Variants in COL15A1 observed in about 807,000 individuals in gnomAD.
COL15A1 encodes the protein collagen alpha-1(XV) chain.
Under a neutral mutation model 165.9 loss-of-function variants are expected in COL15A1, and 111 were observed. The observed-to-expected ratio is 0.67, with a 90% CI of 0.57 to 0.78. COL15A1 has a LOEUF of 0.78. Ranked by LOEUF, COL15A1 falls within the 30% of genes least tolerant of loss-of-function variation. The pLI, the probability that COL15A1 is intolerant of heterozygous loss-of-function variation, is 0.00. For missense variants in COL15A1, 1,745 were observed against 1,789.7 expected, an observed-to-expected ratio of 0.98 and a Z score of 0.45; for synonymous variants, 659 against 674.8, an observed-to-expected ratio of 0.98 and a Z score of 0.36.
At position 98,976,869 on chromosome 9, in the gene COL15A1, A is replaced by G. The variant is rs1183603405; in HGVS notation, c.101-8696A>G. On this transcript the variant is annotated intron_variant, in intron 2 of 41. Coordinates refer to ENST00000375001, the MANE Select transcript of COL15A1 (RefSeq NM_001855.5). Reference sequence around the variant, plus strand: ...GTGCAGGAGCGGGAATGCCCAGACTACCTGGTGGGGGAATCCAAGAAGACT... The same window carrying G: ...GTGCAGGAGCGGGAATGCCCAGACTGCCTGGTGGGGGAATCCAAGAAGACT... Among the ~76,000 whole-genome samples the G allele has an allele frequency of 5.3e-5, 8 of 152,248 alleles. No individual in the cohort carries two copies. The East Asian group carries it at 1.2e-3, about 22-fold the overall frequency.
intron 16 of COL15A1, among the ~76,000 whole-genome samples, chr9:99,029,250 T>G (rs1839176972): frequency 6.6e-6 from 1 of 152,266 alleles, no homozygotes; most frequent in Admixed American, 6.5e-5. Context: ...AGTTTGTGCT[T>G]GGAAATTTTC....
intron 2 of COL15A1, among the ~76,000 whole-genome samples, chr9:98,981,822 T>C (rs1345037168): frequency 6.6e-6 from 1 of 152,152 alleles, no homozygotes; most frequent in East Asian, 1.9e-4. Flanking sequence ...TTATTTTTTT[T>C]AGAGACAGGT....
intron 11 of COL15A1, among the ~76,000 whole-genome samples, chr9:99,018,872 C>T (rs1029552431): frequency 5.9e-5 from 9 of 152,122 alleles, no homozygotes; most frequent in African/African-American, 2.2e-4. Context: ...AGTGGTGGAA[C>T]TGTGGAAGGT....
At chr9:98,959,888 A>C (rs1837839423) in intron 2 of COL15A1, among the ~76,000 whole-genome samples, 1 of 152,164 alleles carries the variant, frequency 6.6e-6, no homozygotes. Context: ...GTTGCAGTTC[A>C]AGGCCTCTTC....
chr9:99,032,357 CTT>C (rs1022332167), intron 16 of COL15A1, among the ~76,000 whole-genome samples: 2 of 151,814 alleles, frequency 1.3e-5, no homozygotes, highest in African/African-American at 4.8e-5. Flanking sequence ...ACCCAGCTAA[CTT>C]ATGTATTTTT....
intron 31 of COL15A1, 130 bp downstream of exon 31, chr9:99,052,563 T>C: frequency 1.3e-6 from 1 of 779,708 alleles, no homozygotes; most frequent in South Asian, 1.5e-5. Context: ...GGGGTGGGGA[T>C]GGCAGCTGAG....
rs1484439037 is a variant in COL15A1 at position 99,000,924 on chromosome 9, G to A, written c.1038G>A (p.Gly346=). 1.3e-6 allele frequency: 2 copies of A among 1,577,078 alleles called. No homozygotes were observed. Among genetic ancestry groups the A allele is most frequent in the Non-Finnish European group, 1.7e-6 (2 of 1,146,382 alleles). Residue 346 remains glycine (G), a synonymous_variant, in exon 7 of 42, where the codon GGG becomes GGA. Coordinates refer to ENST00000375001, the MANE Select transcript of COL15A1 (RefSeq NM_001855.5). ...TTACTGACAGCGGCTCAGGGGCTGG[G>A]GCCTTCCTTGACATTGCTGAAGAAA... The part of the protein sequence containing the change: ...DPITDSGSGA[G]AFLDIAEEKN...
In COL15A1 at chr9:99,070,396, G is replaced by A. The variant is rs114336386; in HGVS notation, c.*510G>A. On this transcript the variant is annotated 3_prime_UTR_variant, in exon 42 of 42. Transcript: ENST00000375001. ...CAGGACTGCTCAAATGATCCTATTT[G>A]TATTTTCTGATGCTATCAGACTCTA... 1.1e-5 allele frequency: 3 copies of A among 276,494 alleles called. No homozygotes were observed. The highest frequency in any genetic ancestry group is 6.9e-5 in the African/African-American group (3 of 43,622). 17.1% of individuals were successfully genotyped at this position (276,494 alleles called of 1,614,324 possible).
At chr9:98,963,121 T>C (rs1189372004) in intron 2 of COL15A1, among the ~76,000 whole-genome samples, 1 of 152,214 alleles carries the variant, frequency 6.6e-6, no homozygotes, top group Non-Finnish European at 1.5e-5. Context: ...TTGCTCAGGT[T>C]CAAGATTTCC....
intron 35 of COL15A1, among the ~76,000 whole-genome samples, chr9:99,057,296 T>C (rs1825735756): frequency 6.6e-6 from 1 of 152,194 alleles, no homozygotes; most frequent in South Asian, 2.1e-4. Flanking sequence ...ATTTCCCTAA[T>C]GACTAATGAT....
At chr9:99,060,234 T>TTATATA (rs1203751452) in intron 36 of COL15A1, among the ~76,000 whole-genome samples, 6 of 84,856 alleles carry the variant, frequency 7.1e-5, no homozygotes, top group Non-Finnish European at 1.4e-4. Context: ...TTATATATTT[T>TTATATA]TATATATATA....
intron 31 of COL15A1, among the ~76,000 whole-genome samples, chr9:99,053,897 G>A (rs137922882): frequency 5.3e-5 from 8 of 152,210 alleles, no homozygotes; most frequent in South Asian, 2.1e-4. Context: ...AAGACCTAGC[G>A]TCCACCCTAC....
chr9:99,025,993 C>T (rs1361199328), intron 16 of COL15A1, 27 bp downstream of exon 16: 1 of 1,592,612 alleles, frequency 6.3e-7, no homozygotes. Context: ...AGGGTCCCAC[C>T]ACATGGGAGC....
intron 2 of COL15A1, among the ~76,000 whole-genome samples, chr9:98,962,227 T>G (rs1401816715): frequency 1.3e-5 from 2 of 152,174 alleles, no homozygotes; most frequent in Non-Finnish European, 1.5e-5. Context: ...AAATGCGGTT[T>G]GGGGAGGAAT....
chr9:99,029,231 G>C (rs1459868216), intron 16 of COL15A1, among the ~76,000 whole-genome samples: 1 of 152,192 alleles, frequency 6.6e-6, no homozygotes, highest in Non-Finnish European at 1.5e-5. Flanking sequence ...GGACACCTGG[G>C]CAGGAAAGAG....
chr9:98,972,857 G>A (rs1178971404), intron 2 of COL15A1, among the ~76,000 whole-genome samples: 12 of 152,160 alleles, frequency 7.9e-5, no homozygotes, highest in Non-Finnish European at 1.3e-4. Flanking sequence ...GCTGGGCCTG[G>A]GAGAGCCACA....
intron 16 of COL15A1, among the ~76,000 whole-genome samples, chr9:99,028,047 A>G (rs1295090453): frequency 1.3e-5 from 2 of 152,188 alleles, no homozygotes; most frequent in Non-Finnish European, 1.5e-5. Context: ...TCCAGTGACA[A>G]GGAACTCATC....
chr9:99,066,665 G>C (rs1825899671), intron 39 of COL15A1, among the ~76,000 whole-genome samples: 1 of 133,664 alleles, frequency 7.5e-6, no homozygotes, highest in African/African-American at 2.9e-5. Context: ...GCTGTTCAGA[G>C]AGCTGAAACA....
intron 2 of COL15A1, among the ~76,000 whole-genome samples, chr9:98,982,040 A>G (rs1838242376): frequency 6.6e-6 from 1 of 151,934 alleles, no homozygotes; most frequent in Non-Finnish European, 1.5e-5. Flanking sequence ...GCCTCAAGCA[A>G]TTTTCCTACC....
Sources: gnomAD v4.1 joint callset for allele counts (sites outside exome capture counted in the v4.1 genomes callset) on GRCh38, gnomAD v4.1.1 for gene constraint, MANE v1.5 for transcripts, NCBI Gene and HGNC (gene_info 2026-07-23, HGNC 2026-07-21) for gene names.